The following ZDHHC14 variants were observed in gnomAD, a reference collection of about 807,000 sequenced individuals.
ZDHHC14 encodes the protein zDHHC palmitoyltransferase 14.
In ZDHHC14, 16 loss-of-function variants were observed where a neutral mutation model predicts 47.7. The observed-to-expected ratio is 0.34, with a 90% CI of 0.23 to 0.51. The LOEUF is 0.51. Ranked by LOEUF, ZDHHC14 falls within the 20% of genes least tolerant of loss-of-function variation. The probability of loss-of-function intolerance (pLI) is 0.97; values close to 1 mark genes in which losing one functional copy is unlikely to be tolerated. For missense variants in ZDHHC14, 515 were observed against 662.5 expected, an observed-to-expected ratio of 0.78 and a Z score of 2.44; for synonymous variants, 293 against 278.9, an observed-to-expected ratio of 1.05 and a Z score of -0.50.
chr6:157,638,985 G>A (rs1329895410), intron 5 of ZDHHC14, among the ~76,000 whole-genome samples: 1 of 152,230 alleles, frequency 6.6e-6, no homozygotes, highest in African/African-American at 2.4e-5. Context: ...CATCTGCAGG[G>A]CCATGCCTGG....
intron 1 of ZDHHC14, among the ~76,000 whole-genome samples, chr6:157,520,165 G>T (rs1319999353): frequency 3.3e-5 from 5 of 152,182 alleles, no homozygotes; most frequent in African/African-American, 1.2e-4. Flanking sequence ...GTCCTGATCT[G>T]GGGCCGTGGC....
chr6:157,464,059 A>G (rs1295336354), intron 1 of ZDHHC14, among the ~76,000 whole-genome samples: 1 of 152,162 alleles, frequency 6.6e-6, no homozygotes. Context: ...ATTAACACTA[A>G]TGATGAAACT....
intron 1 of ZDHHC14, among the ~76,000 whole-genome samples, chr6:157,489,456 T>C (rs755206464): frequency 2.0e-5 from 3 of 152,190 alleles, no homozygotes; most frequent in Non-Finnish European, 4.4e-5. Context: ...TGAATGTTTT[T>C]ATTGTTGTTT....
intron 1 of ZDHHC14, among the ~76,000 whole-genome samples, chr6:157,437,193 C>G (rs1778458169): frequency 1.3e-5 from 2 of 152,198 alleles, no homozygotes; most frequent in African/African-American, 4.8e-5. Context: ...CACTGGGGGC[C>G]TTTGCTGGGC....
At chr6:157,487,139 CTGGGGGA>C (rs1181523366) in intron 1 of ZDHHC14, among the ~76,000 whole-genome samples, 1 of 152,254 alleles carries the variant, frequency 6.6e-6, no homozygotes, top group African/African-American at 2.4e-5. Flanking sequence ...GTCCCTAAGG[CTGGGGGA>C]TGTAGAAGAA....
At chr6:157,563,455 G>C (rs542480357) in intron 2 of ZDHHC14, among the ~76,000 whole-genome samples, 2 of 152,184 alleles carry the variant, frequency 1.3e-5, no homozygotes, top group Non-Finnish European at 2.9e-5. Flanking sequence ...TCCCGGAGTG[G>C]AATTTCTCTG....
chr6:157,593,144 T>C lies in ZDHHC14; in HGVS notation c.563T>C (p.Val188Ala). ...CATTGCAGCCTTTGTGATAACTGCG[T>C]AGGTGAGTAGTGCCTGGGCGGAGCC... ...ASHCSLCDNC[V>A]ERFDHHCPWV... is the part of the protein sequence containing the mutation. Residue 188 changes from valine to alanine, a missense_variant and splice_region_variant, in exon 3 of 9, where the codon GTA becomes GCA. Val to Ala is a moderately conservative substitution (Grantham distance 64). Transcript: ENST00000359775. The C allele has an allele frequency of 6.2e-7, 1 of 1,610,834 alleles. No individual in the cohort carries two copies. Among genetic ancestry groups the C allele is most frequent in the Non-Finnish European group, 8.5e-7 (1 of 1,178,340 alleles).
rs373295176 is a variant in ZDHHC14, at chr6:157,517,455, T to C, written c.246-25130T>C. Among the ~76,000 whole-genome samples, 231 of 152,060 alleles carry C rather than the reference T, an allele frequency of 1.5e-3. 1 individual carries two copies. The highest frequency in any genetic ancestry group is 5.1e-3 in the African/African-American group (211 of 41,500). ...CCTCCCGAGTAGCTGGGATTACAGG[T>C]GCTGCTATCACACCTGGCTTAATTT... is the stretch of plus-strand genomic sequence containing the variant. On this transcript the variant is annotated intron_variant, in intron 1 of 8. Coordinates refer to ENST00000359775, the MANE Select transcript of ZDHHC14 (RefSeq NM_024630.3).
At chr6:157,511,676 G>C (rs1402491535) in intron 1 of ZDHHC14, among the ~76,000 whole-genome samples, 2 of 151,434 alleles carry the variant, frequency 1.3e-5, no homozygotes, top group South Asian at 2.1e-4. Context: ...TTACAGGCTT[G>C]AGCCACCGCG....
intron 1 of ZDHHC14, among the ~76,000 whole-genome samples, chr6:157,456,280 A>T (rs1778914392): frequency 6.6e-6 from 1 of 152,158 alleles, no homozygotes; most frequent in African/African-American, 2.4e-5. Context: ...CTTCGATTTT[A>T]GCATTTTCGG....
intron 1 of ZDHHC14, among the ~76,000 whole-genome samples, chr6:157,485,014 T>C (rs1464800147): frequency 6.6e-6 from 1 of 152,104 alleles, no homozygotes; most frequent in Non-Finnish European, 1.5e-5. Flanking sequence ...GGAGAAGCGC[T>C]TGAACCTGGG....
chr6:157,634,061 G>C (rs1357456294), intron 5 of ZDHHC14, among the ~76,000 whole-genome samples: 1 of 152,124 alleles, frequency 6.6e-6, no homozygotes, highest in Non-Finnish European at 1.5e-5. Flanking sequence ...GTTTGAGCAG[G>C]GGAGGGATTT....
At chr6:157,605,502 C>G (rs1784503888) in intron 3 of ZDHHC14, among the ~76,000 whole-genome samples, 2 of 152,106 alleles carry the variant, frequency 1.3e-5, no homozygotes, top group Non-Finnish European at 2.9e-5. Context: ...AAGCAATGGG[C>G]TGGAAAGTGT....
At chr6:157,462,526 C>T (rs1462331329) in intron 1 of ZDHHC14, among the ~76,000 whole-genome samples, 2 of 152,210 alleles carry the variant, frequency 1.3e-5, no homozygotes, top group African/African-American at 4.8e-5. Flanking sequence ...GTTTTCAGAG[C>T]TTCTGCTGAC....
intron 1 of ZDHHC14, among the ~76,000 whole-genome samples, chr6:157,396,193 G>A (rs1299725665): frequency 4.6e-5 from 7 of 152,028 alleles, no homozygotes; most frequent in Non-Finnish European, 5.9e-5. Flanking sequence ...TTCACCTGCC[G>A]ACCGTGCTGT....
chr6:157,512,163 T>C (rs891606195), intron 1 of ZDHHC14, among the ~76,000 whole-genome samples: 2 of 152,184 alleles, frequency 1.3e-5, no homozygotes, highest in Admixed American at 1.3e-4. Context: ...TGAAGGAAAC[T>C]CAAGCAGGGT....
chr6:157,654,698 G>A (rs577613613), intron 8 of ZDHHC14, among the ~76,000 whole-genome samples: 61 of 151,882 alleles, frequency 4.0e-4, no homozygotes, highest in African/African-American at 1.2e-3. Context: ...TGTCTTGTTC[G>A]TATTGCTTTG....
intron 5 of ZDHHC14, 64 bp downstream of exon 5, chr6:157,632,946 T>C: frequency 6.5e-7 from 1 of 1,530,236 alleles, no homozygotes; most frequent in African/African-American, 1.4e-5. Flanking sequence ...TGACCTTCTG[T>C]GCGCACACCT....
chr6:157,616,923 G>C (rs1784989728), intron 3 of ZDHHC14, among the ~76,000 whole-genome samples: 1 of 152,150 alleles, frequency 6.6e-6, no homozygotes, highest in African/African-American at 2.4e-5. Context: ...GCTGGACCCT[G>C]GGGTTCCCTT....
Sources: gnomAD v4.1 joint callset for allele counts (sites outside exome capture counted in the v4.1 genomes callset) on GRCh38, gnomAD v4.1.1 for gene constraint, MANE v1.5 for transcripts, NCBI Gene and HGNC (gene_info 2026-07-23, HGNC 2026-07-21) for gene names.